Variants in DNAAF9 observed in about 807,000 individuals in gnomAD.
DNAAF9 encodes the protein dynein axonemal assembly factor 9.
In DNAAF9, 90 loss-of-function variants were observed where a neutral mutation model predicts 167.0. The observed-to-expected ratio is 0.54, with a 90% confidence interval of 0.45 to 0.64. DNAAF9 has a LOEUF of 0.64. Among genes scored for constraint, DNAAF9 ranks in the 30% least tolerant of loss-of-function variants. The pLI, the probability that DNAAF9 is intolerant of heterozygous loss-of-function variation, is 0.00. For synonymous variants in DNAAF9, 491 were observed against 508.8 expected (o/e 0.96, Z 0.47); for missense variants, 1,315 against 1,442.2 (o/e 0.91, Z 1.43).
intron 6 of DNAAF9, among the ~76,000 whole-genome samples, chr20:3,372,436 A>T (rs148354466): frequency 3.3e-3 from 505 of 152,360 alleles, no homozygotes; most frequent in Middle Eastern, 6.8e-3. Context: ...TTCCTTTATG[A>T]TGTGTACCAT....
At chr20:3,377,179 G>A (rs1206722982) in intron 3 of DNAAF9, among the ~76,000 whole-genome samples, 1 of 152,220 alleles carries the variant, frequency 6.6e-6, no homozygotes, top group East Asian at 1.9e-4. Context: ...CCTCCAGGTA[G>A]CAGGCTTCAG....
chr20:3,250,885 AGT>A lies in DNAAF9; in HGVS notation c.*1685_*1686del, dbSNP rs1388419543. 1 of 152,228 alleles carries A rather than the reference AGT, an allele frequency of 6.6e-6. No homozygotes were observed. The highest frequency in any genetic ancestry group is 2.4e-5 in the African/African-American group (1 of 41,446). 9.4% of individuals were successfully genotyped at this position (152,228 alleles called of 1,614,324 possible). A position where few individuals can be genotyped will look rare whatever the true frequency, so the allele number is the denominator to read the frequency against. ...GTTCGGTAGAGCTAAAGGAAGCTAC[AGT>A]AACTCACTGCTTATTAATCAATTGC... On this transcript the variant is annotated 3_prime_UTR_variant, in exon 37 of 37. Coordinates refer to ENST00000252032, the MANE Select transcript of DNAAF9 (RefSeq NM_001009984.3).
chr20:3,326,201 G>C lies in DNAAF9; in HGVS notation c.1184C>G (p.Thr395Arg), dbSNP rs746111605. 11 of 1,592,044 alleles carry C rather than the reference G, an allele frequency of 6.9e-6. No homozygotes were observed. The South Asian group carries it at 1.2e-4, about 18-fold the overall frequency. Residue 395 changes from threonine to arginine, a missense_variant, in exon 13 of 37, where the codon ACA becomes AGA. Transcript: ENST00000252032. Reference protein sequence around the residue: ...IACYAKTSSLTKAKEVAEQTL... With the variant: ...IACYAKTSSLRKAKEVAEQTL... ...GAAACATGGTATTTAAATTACCTTT[G>C]TTAGACTGGAAGTTTTAGCATAACA...
intron 20 of DNAAF9, among the ~76,000 whole-genome samples, chr20:3,313,663 A>G (rs777796854): frequency 6.6e-6 from 1 of 152,348 alleles, no homozygotes; most frequent in Non-Finnish European, 1.5e-5. Flanking sequence ...ATTTCATATG[A>G]GCAGAAACAC....
chr20:3,306,919 G>A (rs751760973), intron 20 of DNAAF9: 41 of 985,140 alleles, frequency 4.2e-5, no homozygotes, highest in Non-Finnish European at 4.7e-5. Flanking sequence ...TAGGTGTCAC[G>A]AGGTAGAAAC....
chr20:3,326,888 G>A (rs1414441806), intron 12 of DNAAF9, among the ~76,000 whole-genome samples: 7 of 152,076 alleles, frequency 4.6e-5, no homozygotes, highest in African/African-American at 1.7e-4. Flanking sequence ...ATAAAACTGT[G>A]TAGACTCCTT....
intron 16 of DNAAF9, among the ~76,000 whole-genome samples, chr20:3,320,212 CATATGACACATTATGATA>C: frequency 2.0e-5 from 3 of 152,254 alleles, no homozygotes; most frequent in African/African-American, 4.8e-5. Flanking sequence ...TGAAGGTCAT[CATATGACACATTATGATA>C]TCATATGACA....
intron 31 of DNAAF9, among the ~76,000 whole-genome samples, chr20:3,262,573 C>T (rs1023297491): frequency 4.6e-5 from 7 of 152,128 alleles, no homozygotes; most frequent in Non-Finnish European, 8.8e-5. Context: ...CTAATGGGCC[C>T]CTCTTACCCT....
chr20:3,407,600 A>T lies in DNAAF9; in HGVS notation c.-43T>A. 1 of 1,210,936 alleles carries T rather than the reference A, an allele frequency of 8.3e-7. No homozygotes were observed. Among genetic ancestry groups the T allele is most frequent in the Non-Finnish European group, 1.0e-6 (1 of 974,822 alleles). 75.0% of individuals were successfully genotyped at this position (1,210,936 alleles called of 1,614,324 possible). A position where few individuals can be genotyped will look rare whatever the true frequency, so the allele number is the denominator to read the frequency against. ...GGCGGAGGAGGACGGTGCAGCTGCGAGGGTCTCAGTTGCCCGCAGGGCGGC... is the reference window on the plus strand; with the variant it reads ...GGCGGAGGAGGACGGTGCAGCTGCGTGGGTCTCAGTTGCCCGCAGGGCGGC... On this transcript the variant is annotated 5_prime_UTR_variant, in exon 1 of 37. Transcript: ENST00000252032.
At chr20:3,355,449 C>A (rs1039534711) in intron 7 of DNAAF9, among the ~76,000 whole-genome samples, 2 of 152,068 alleles carry the variant, frequency 1.3e-5, no homozygotes, top group Non-Finnish European at 2.9e-5. Flanking sequence ...GTGGCACACA[C>A]CTGTAGTCCC....
chr20:3,389,351 A>G (rs2083794577), intron 1 of DNAAF9, among the ~76,000 whole-genome samples: 1 of 150,534 alleles, frequency 6.6e-6, no homozygotes, highest in Non-Finnish European at 1.5e-5. Flanking sequence ...GGGTCTCACC[A>G]TGTTGCCCAG....
At position 3,335,550 on chromosome 20, in the gene DNAAF9, A is replaced by G. The variant is rs367976090; in HGVS notation, c.982-3189T>C. 2.6e-3 allele frequency among the ~76,000 whole-genome samples: 397 copies of G among 152,124 alleles called. 4 individuals carry two copies. Among genetic ancestry groups the G allele is most frequent in the East Asian group, 0.017 (89 of 5,166 alleles). ...GGCGGGTGGATCACCTGAGGTCAGG[A>G]GTTCGAGACCAGCCTGGCCAACATA... On this transcript the variant is annotated intron_variant, in intron 10 of 36. Transcript: ENST00000252032.
chr20:3,256,252 G>T, intron 33 of DNAAF9, 41 bp from the exon 34 acceptor site: 1 of 1,376,192 alleles, frequency 7.3e-7, no homozygotes, highest in Non-Finnish European at 1.0e-6. Flanking sequence ...AGCCTGCCTT[G>T]AAAGGATACA....
At chr20:3,259,409 G>A in intron 33 of DNAAF9, 71 bp downstream of exon 33, 13 of 977,306 alleles carry the variant, frequency 1.3e-5, no homozygotes, top group South Asian at 8.9e-5. Context: ...CACCAGCAGA[G>A]GCTCTGAACT....
intron 1 of DNAAF9, among the ~76,000 whole-genome samples, chr20:3,400,435 A>C (rs1401283990): frequency 1.3e-5 from 2 of 150,156 alleles, no homozygotes; most frequent in African/African-American, 5.0e-5. Flanking sequence ...TAAGATCTTA[A>C]TATTAGGGGA....
chr20:3,269,826 C>T (rs899289206), intron 30 of DNAAF9, among the ~76,000 whole-genome samples: 2 of 151,830 alleles, frequency 1.3e-5, no homozygotes, highest in South Asian at 2.1e-4. Flanking sequence ...GGCGTGGTGG[C>T]GGGCGCCTGT....
In DNAAF9 at chr20:3,353,649, C is replaced by CA. The variant is rs1250816329; in HGVS notation, c.691-5027dup. ...TCCCCCCGCACCACCCCCCCCCCCG[C>CA]AAAAAAAAAGGCTATTAATACAGAA... is the stretch of plus-strand genomic sequence containing the variant. On this transcript the variant is annotated intron_variant, in intron 7 of 36. Coordinates refer to ENST00000252032, the MANE Select transcript of DNAAF9 (RefSeq NM_001009984.3). Among the ~76,000 whole-genome samples the CA allele has an allele frequency of 3.0e-3, 323 of 108,288 alleles. 6 individuals carry two copies. Among genetic ancestry groups the CA allele is most frequent in the African/African-American group, 0.01 (288 of 28,206 alleles). The allele number at this position is 108,288 out of a possible 152,430, so 71.0% of individuals were successfully genotyped here.
At chr20:3,357,909 C>G (rs750727072) in intron 7 of DNAAF9, among the ~76,000 whole-genome samples, 2 of 151,996 alleles carry the variant, frequency 1.3e-5, no homozygotes, top group Non-Finnish European at 2.9e-5. Context: ...ACTCAGGAGG[C>G]TGAGGTGCAA....
In DNAAF9 at chr20:3,253,708, A is replaced by C. The variant is rs527335459; in HGVS notation, c.3421+18T>G. 15 of 1,478,348 alleles carry C rather than the reference A, an allele frequency of 1.0e-5. No individual in the cohort carries two copies. The highest frequency in any genetic ancestry group is 1.3e-5 in the Non-Finnish European group (14 of 1,056,448). The allele number at this position is 1,478,348 out of a possible 1,614,324, so 91.6% of individuals were successfully genotyped here. A position where few individuals can be genotyped will look rare whatever the true frequency, so the allele number is the denominator to read the frequency against. On this transcript the variant is annotated intron_variant, in intron 36 of 36. Transcript: ENST00000252032. ...ACTGCCCGGGTTCCACACAGGGACC[A>C]CGCTGTTCCAAGGATACGTGGGTGA... is the stretch of plus-strand genomic sequence containing the variant.
Sources: gnomAD v4.1 joint callset for allele counts (sites outside exome capture counted in the v4.1 genomes callset) on GRCh38, gnomAD v4.1.1 for gene constraint, MANE v1.5 for transcripts, NCBI Gene and HGNC (gene_info 2026-07-23, HGNC 2026-07-21) for gene names.